Variants in PCDHGA11 observed in about 807,000 individuals in gnomAD.
PCDHGA11 encodes protocadherin gamma-A11.
Under a neutral mutation model 60.4 loss-of-function variants are expected in PCDHGA11, and 39 were observed. That is an observed-to-expected ratio of 0.65 (90% CI 0.50 to 0.84). The LOEUF (loss-of-function observed/expected upper bound fraction) is 0.84, where lower values mean the gene tolerates loss of function less well. Ranked by LOEUF, PCDHGA11 falls within the 40% of genes least tolerant of loss-of-function variation. PCDHGA11 has a pLI of 0.00. For synonymous variants in PCDHGA11, 533 were observed against 510.3 expected, an observed-to-expected ratio of 1.04 and a Z score of -0.60; for missense variants, 1,165 against 1,197.7, an observed-to-expected ratio of 0.97 and a Z score of 0.40.
chr5:141,461,213 T>C (rs1457474925), intron 1 of PCDHGA11, among the ~76,000 whole-genome samples: 1 of 152,168 alleles, frequency 6.6e-6, no homozygotes, highest in African/African-American at 2.4e-5. Flanking sequence ...AGAATCTCCA[T>C]ACTGTTTTCC....
intron 2 of PCDHGA11, among the ~76,000 whole-genome samples, chr5:141,502,200 C>T (rs553356132): frequency 6.6e-6 from 1 of 152,252 alleles, no homozygotes; most frequent in African/African-American, 2.4e-5. Flanking sequence ...AATATAGAAT[C>T]CACCAGCAGA....
intron 2 of PCDHGA11, among the ~76,000 whole-genome samples, chr5:141,495,430 C>A (rs1189953474): frequency 6.6e-6 from 1 of 152,220 alleles, no homozygotes; most frequent in Non-Finnish European, 1.5e-5. Context: ...TCCCACTGTC[C>A]TCTGCCCCTA....
At chr5:141,462,781 G>C (rs893647456) in intron 1 of PCDHGA11, among the ~76,000 whole-genome samples, 1 of 152,102 alleles carries the variant, frequency 6.6e-6, no homozygotes, top group Non-Finnish European at 1.5e-5. Flanking sequence ...GTCATAATTT[G>C]TTGCTTATTT....
rs777247531 is a variant in PCDHGA11 at position 141,476,417 on chromosome 5, C to T, written c.2434-18390C>T. 3 of 1,614,112 alleles carry T rather than the reference C, an allele frequency of 1.9e-6. No homozygotes were observed. Among genetic ancestry groups the T allele is most frequent in the Admixed American group, 1.7e-5 (1 of 60,018 alleles). The stretch of plus-strand genomic sequence containing the variant: ...GGATCGAGAGGAGCTGTGTGGGACA[C>T]TGCCCTCTTGCACTGTAACTCTGGA... On this transcript the variant is annotated intron_variant, in intron 1 of 3. Coordinates refer to ENST00000398587, the MANE Select transcript of PCDHGA11 (RefSeq NM_018914.3). The surrounding 1 kb of genome is among the most constrained non-coding windows in gnomAD (Gnocchi z 7.6).
intron 2 of PCDHGA11, among the ~76,000 whole-genome samples, chr5:141,504,948 T>C (rs1044527570): frequency 2.0e-5 from 3 of 152,080 alleles, no homozygotes; most frequent in Admixed American, 1.3e-4. Flanking sequence ...GAATGCACTA[T>C]GTTCAATGCA....
Position 141,423,623 on chromosome 5 carries a change from C to T in PCDHGA11, c.2396C>T (p.Ala799Val), listed in dbSNP as rs1391650851. 6.2e-7 allele frequency: 1 copy of T among 1,607,330 alleles called. No individual in the cohort carries two copies. The highest frequency in any genetic ancestry group is 1.1e-5 in the South Asian group (1 of 90,024). Residue 799 changes from alanine to valine, a missense_variant, in exon 1 of 4, where the codon GCT (alanine) becomes GTT (valine). By Grantham distance (64) the Ala-to-Val change is moderately conservative (BLOSUM62 0). Coordinates refer to ENST00000398587, the MANE Select transcript of PCDHGA11 (RefSeq NM_018914.3). The stretch of plus-strand genomic sequence containing the variant: ...CCACTCTTGATAGCTGAAGACTCAG[C>T]TATCATTTTAGGCAAATGTGACCCG... The part of the protein sequence containing the change: ...SEPLLIAEDS[A>V]IILGKCDPTS...
At chr5:141,447,947 A>G (rs2098555998) in intron 1 of PCDHGA11, among the ~76,000 whole-genome samples, 1 of 151,958 alleles carries the variant, frequency 6.6e-6, no homozygotes, top group South Asian at 2.1e-4. Flanking sequence ...TTAGCTGGGC[A>G]TGGTGGCGGA....
intron 1 of PCDHGA11, among the ~76,000 whole-genome samples, chr5:141,453,643 T>G (rs1267570786): frequency 2.6e-5 from 4 of 152,240 alleles, no homozygotes; most frequent in Non-Finnish European, 5.9e-5. Flanking sequence ...TATATTTTCT[T>G]ATGTCCTCTT....
rs73280911 is a variant in PCDHGA11, at chr5:141,446,356, A to C, written c.2433+22696A>C. Among the ~76,000 whole-genome samples the C allele has an allele frequency of 2.0e-5, 3 of 152,188 alleles. No individual in the cohort carries two copies. In the South Asian group the frequency reaches 6.2e-4, roughly 31 times the overall value. On this transcript the variant is annotated intron_variant, in intron 1 of 3. Transcript: ENST00000398587. ...ACTGGATGGACAAAGCTACCATTTGATGAGAATGGAAGACTAAAGAATGAT... is the reference window on the plus strand; with the variant it reads ...ACTGGATGGACAAAGCTACCATTTGCTGAGAATGGAAGACTAAAGAATGAT...
Position 141,490,600 on chromosome 5 carries a change from T to G in PCDHGA11, c.2434-4207T>G. 6.2e-7 allele frequency: 1 copy of G among 1,614,164 alleles called. No homozygotes were observed. Among genetic ancestry groups the G allele is most frequent in the South Asian group, 1.1e-5 (1 of 91,072 alleles). ...AGATGTCAATGACAATGCACCCCGCTTCAACCAGCAGCTTTACACTGCTTA... is the reference window on the plus strand; with the variant it reads ...AGATGTCAATGACAATGCACCCCGCGTCAACCAGCAGCTTTACACTGCTTA... On this transcript the variant is annotated intron_variant, in intron 1 of 3. Coordinates refer to ENST00000398587, the MANE Select transcript of PCDHGA11 (RefSeq NM_018914.3). The surrounding 1 kb of genome is among the most constrained non-coding windows in gnomAD (Gnocchi z 5.4).
At chr5:141,502,056 C>A (rs1163976282) in intron 2 of PCDHGA11, among the ~76,000 whole-genome samples, 1 of 152,116 alleles carries the variant, frequency 6.6e-6, no homozygotes, top group Non-Finnish European at 1.5e-5. Context: ...CTACTTTATT[C>A]CCATTAGCCC....
chr5:141,462,668 T>C (rs778396861), intron 1 of PCDHGA11, among the ~76,000 whole-genome samples: 10 of 152,232 alleles, frequency 6.6e-5, no homozygotes, highest in Non-Finnish European at 1.5e-4. Flanking sequence ...CTTCATATTT[T>C]TCTTTAAATT....
rs768074414 is a variant in PCDHGA11 at position 141,477,293 on chromosome 5, C to T, written c.2434-17514C>T. 8.1e-6 allele frequency: 13 copies of T among 1,614,180 alleles called. No homozygotes were observed. The highest frequency in any genetic ancestry group is 1.1e-5 in the Non-Finnish European group (13 of 1,180,036). ...CGGGCTGGTGACCTGCGAAGTTCCA[C>T]CGGGTCTCCCTTTCAGCCTTACTTC... On this transcript the variant is annotated intron_variant, in intron 1 of 3. Coordinates refer to ENST00000398587, the MANE Select transcript of PCDHGA11 (RefSeq NM_018914.3). This position sits in a 1 kb window ranked among gnomAD's most constrained non-coding sequence, Gnocchi z 4.9.
chr5:141,430,723 A>C lies in PCDHGA11; in HGVS notation c.2433+7063A>C, dbSNP rs554822923. ...GAACTGCTCCTGACTTCAGTGGTTAAGGGCAGAATTGAAAATAATTCTGGA... is the reference window on the plus strand; with the variant it reads ...GAACTGCTCCTGACTTCAGTGGTTACGGGCAGAATTGAAAATAATTCTGGA... On this transcript the variant is annotated intron_variant, in intron 1 of 3. Transcript: ENST00000398587. 58 of 1,493,590 alleles carry C rather than the reference A, an allele frequency of 3.9e-5. No homozygotes were observed. The African/African-American group carries it at 7.7e-4, about 20-fold the overall frequency. The allele number at this position is 1,493,590 out of a possible 1,614,324, so 92.5% of individuals were successfully genotyped here. A position where few individuals can be genotyped will look rare whatever the true frequency, so the allele number is the denominator to read the frequency against.
At chr5:141,433,004 T>G (rs368646186) in intron 1 of PCDHGA11, 48 of 1,614,028 alleles carry the variant, frequency 3.0e-5, no homozygotes, top group Non-Finnish European at 3.4e-5. Context: ...GGTGCAGGCT[T>G]TCCTGCAGAC....
At chr5:141,498,991 AG>A (rs1449718352) in intron 2 of PCDHGA11, among the ~76,000 whole-genome samples, 8 of 144,362 alleles carry the variant, frequency 5.5e-5, no homozygotes, top group Non-Finnish European at 1.0e-4. Context: ...GAAGGAAGGA[AG>A]GAAGGAAGGA....
At chr5:141,426,398 C>A (rs1264385461) in intron 1 of PCDHGA11, 3 of 257,270 alleles carry the variant, frequency 1.2e-5, no homozygotes, top group Non-Finnish European at 2.3e-5. Context: ...TACTCTATTC[C>A]AGAAGAAACG....
chr5:141,472,065 G>C lies in PCDHGA11; in HGVS notation c.2434-22742G>C, dbSNP rs115025688. Among the ~76,000 whole-genome samples the C allele has an allele frequency of 1.7e-3, 265 of 152,218 alleles. 1 individual carries two copies. Among genetic ancestry groups the C allele is most frequent in the Middle Eastern group, 3.4e-3 (1 of 294 alleles). On this transcript the variant is annotated intron_variant, in intron 1 of 3. Coordinates refer to ENST00000398587, the MANE Select transcript of PCDHGA11 (RefSeq NM_018914.3). ...GATTTTAAAAATGATTGACATGTCT[G>C]TGGTTATATCAATGAGTACTATTAT...
chr5:141,423,798 A>G (rs551396089), intron 1 of PCDHGA11, 138 bp downstream of exon 1: 76 of 1,222,390 alleles, frequency 6.2e-5, no homozygotes, highest in Middle Eastern at 4.5e-4. Context: ...TATTTAGAGC[A>G]ATACATGTGA....
Sources: gnomAD v4.1 joint callset for allele counts (sites outside exome capture counted in the v4.1 genomes callset) on GRCh38, gnomAD v4.1.1 for gene constraint, Gnocchi (gnomAD v3.1) non-coding constraint, MANE v1.5 for transcripts, NCBI Gene and HGNC (gene_info 2026-07-23, HGNC 2026-07-21) for gene names.